Variants in TNS1 observed in about 807,000 individuals in gnomAD.
TNS1 encodes the protein tensin 1.
In TNS1, 62 loss-of-function variants were observed where a neutral mutation model predicts 168.6. The observed-to-expected ratio is 0.37, with a 90% CI of 0.30 to 0.45. TNS1 has a LOEUF of 0.45. Among genes scored for constraint, TNS1 ranks in the 20% least tolerant of loss-of-function variants. The pLI is 1.00. For missense variants in TNS1, 2,240 were observed against 2,339.4 expected, an observed-to-expected ratio of 0.96 and a Z score of 0.88; for synonymous variants, 934 against 933.2, an observed-to-expected ratio of 1.00 and a Z score of -0.02.
chr2:218,008,838 A>G (rs533418801), intron 1 of TNS1, among the ~76,000 whole-genome samples: 38 of 152,286 alleles, frequency 2.5e-4, no homozygotes, highest in African/African-American at 9.1e-4. Flanking sequence ...TGGCCTGCCT[A>G]ATGGTCTGCA....
intron 3 of TNS1, among the ~76,000 whole-genome samples, chr2:217,940,535 T>C (rs1166962390): frequency 6.6e-6 from 1 of 152,162 alleles, no homozygotes; most frequent in Non-Finnish European, 1.5e-5. Flanking sequence ...TGAGTCTCTT[T>C]CAAACCCCAG....
chr2:217,923,516 G>T (rs1287352842), intron 3 of TNS1, among the ~76,000 whole-genome samples: 1 of 152,178 alleles, frequency 6.6e-6, no homozygotes, highest in Non-Finnish European at 1.5e-5. Context: ...AGGCTAATGA[G>T]TTGGCCAACA....
In TNS1 at chr2:217,902,318, G is replaced by C. The variant is rs117837602; in HGVS notation, c.322-1806C>G. ...AATAGCCCCTTGAGTTTCATCTGTT[G>C]CTGATCCGTAGCCACTTTTGGAGGA... On this transcript the variant is annotated intron_variant, in intron 6 of 32. Coordinates refer to ENST00000682258, the MANE Select transcript of TNS1 (RefSeq NM_001387777.1). Among the ~76,000 whole-genome samples, 7 of 152,294 alleles carry C rather than the reference G, an allele frequency of 4.6e-5. No homozygotes were observed. The East Asian group carries it at 1.2e-3, about 25-fold the overall frequency.
At chr2:217,819,839 T>G (rs866033921) in intron 23 of TNS1, among the ~76,000 whole-genome samples, 2 of 152,056 alleles carry the variant, frequency 1.3e-5, no homozygotes, top group African/African-American at 4.8e-5. Flanking sequence ...GAACCCCCCA[T>G]GGGGAGAGGT....
At chr2:217,907,529 T>C (rs1247083712) in intron 4 of TNS1, among the ~76,000 whole-genome samples, 2 of 152,228 alleles carry the variant, frequency 1.3e-5, no homozygotes, top group East Asian at 3.9e-4. Context: ...GTTCATACAG[T>C]TGCTGACCCC....
At chr2:217,872,622 T>C (rs1228704521) in intron 18 of TNS1, among the ~76,000 whole-genome samples, 1 of 152,208 alleles carries the variant, frequency 6.6e-6, no homozygotes, top group Non-Finnish European at 1.5e-5. Flanking sequence ...GTGTAGCCAC[T>C]TTGGGAAACA....
intron 18 of TNS1, among the ~76,000 whole-genome samples, chr2:217,852,359 T>C (rs892093077): frequency 6.6e-6 from 1 of 152,152 alleles, no homozygotes; most frequent in African/African-American, 2.4e-5. Context: ...CCACCTACAC[T>C]GTGAGGTGCC....
intron 11 of TNS1, 104 bp from the exon 12 acceptor site, chr2:217,891,149 G>GGTGCTCTTTGGCC: frequency 9.4e-7 from 1 of 1,066,010 alleles, no homozygotes; most frequent in Non-Finnish European, 1.4e-6. Context: ...TCTGGCCAAA[G>GGTGCTCTTTGGCC]AGCACCTTTG....
At chr2:217,887,611 A>C (rs1352508518) in intron 12 of TNS1, among the ~76,000 whole-genome samples, 1 of 152,160 alleles carries the variant, frequency 6.6e-6, no homozygotes, top group African/African-American at 2.4e-5. Flanking sequence ...CCCAGCCAAC[A>C]TCCCCTAGTT....
intron 8 of TNS1, among the ~76,000 whole-genome samples, chr2:217,895,409 C>T (rs949124869): frequency 2.0e-5 from 3 of 152,210 alleles, no homozygotes; most frequent in African/African-American, 4.8e-5. Flanking sequence ...GAGATGTAGA[C>T]ACTCAGCCAC....
upstream of TNS1, among the ~76,000 whole-genome samples, chr2:218,006,315 T>C (rs1048076895): frequency 6.6e-6 from 1 of 152,238 alleles, no homozygotes; most frequent in Non-Finnish European, 1.5e-5. Context: ...TTCCTTTACC[T>C]GTAGAATAAC....
chr2:217,834,994 A>AC, intron 21 of TNS1, 97 bp downstream of exon 21: 1 of 1,090,194 alleles, frequency 9.2e-7, no homozygotes. Flanking sequence ...GGGCACTGTC[A>AC]CCCCCAACCC....
chr2:217,829,482 G>A (rs974738964), intron 22 of TNS1, among the ~76,000 whole-genome samples: 2 of 152,232 alleles, frequency 1.3e-5, no homozygotes, highest in Non-Finnish European at 2.9e-5. Flanking sequence ...CGGGAAAGGG[G>A]ATCTGAGTCC....
chr2:217,887,201 C>T (rs553858146), intron 12 of TNS1, among the ~76,000 whole-genome samples: 1 of 152,320 alleles, frequency 6.6e-6, no homozygotes, highest in East Asian at 1.9e-4. Flanking sequence ...TACATCATAC[C>T]AAAGTGCATT....
At chr2:217,949,030 C>A (rs1256997239) in intron 3 of TNS1, among the ~76,000 whole-genome samples, 2 of 152,178 alleles carry the variant, frequency 1.3e-5, no homozygotes, top group Non-Finnish European at 2.9e-5. Flanking sequence ...AAGGCACACA[C>A]TGGCAGCCCC....
At position 217,818,298 on chromosome 2, in the gene TNS1, G is replaced by T. The variant is rs759765327; in HGVS notation, c.4034C>A (p.Pro1345Gln). Residue 1345 changes from proline (P) to glutamine (Q), a missense_variant, in exon 24 of 33, where the codon CCG becomes CAG. By Grantham distance (76) the Pro-to-Gln change is moderately conservative. Around this residue, in one of 2 missense-constraint regions of TNS1, gnomAD observed 2,131 missense variants for 2,171.2 expected, o/e 0.98. Transcript: ENST00000682258. ...GTGCCGACACAGGCTGGGGCTCCCC[G>T]GGGTGGTCGCTGCACTGCTCTGGGG... ...SSPQSSAATT[P>Q]GSPSLCRHPA... The T allele has an allele frequency of 6.6e-5, 107 of 1,613,086 alleles. No homozygotes were observed. The highest frequency in any genetic ancestry group is 8.5e-5 in the Non-Finnish European group (100 of 1,179,728).
chr2:217,980,867 C>T (rs1478447202), intron 2 of TNS1, among the ~76,000 whole-genome samples: 1 of 152,160 alleles, frequency 6.6e-6, no homozygotes, highest in African/African-American at 2.4e-5. Flanking sequence ...CCCCCTCACC[C>T]CAGCACCCCA....
chr2:217,869,392 T>A (rs1559271339), intron 18 of TNS1, among the ~76,000 whole-genome samples: 1 of 152,218 alleles, frequency 6.6e-6, no homozygotes, highest in Non-Finnish European at 1.5e-5. Context: ...CAGCAAGGAA[T>A]CATTTGGAAT....
At chr2:217,971,918 T>G (rs1559394495) in intron 3 of TNS1, among the ~76,000 whole-genome samples, 1 of 152,118 alleles carries the variant, frequency 6.6e-6, no homozygotes, top group Non-Finnish European at 1.5e-5. Context: ...CACTCTTCCT[T>G]GATAATAGAG....
Sources: gnomAD v4.1 joint callset for allele counts (sites outside exome capture counted in the v4.1 genomes callset) on GRCh38, gnomAD v4.1.1 for gene constraint, gnomAD v4.1.1 regional missense constraint, MANE v1.5 for transcripts, NCBI Gene and HGNC (gene_info 2026-07-23, HGNC 2026-07-21) for gene names.